APMAP: variants seen among roughly 807,000 people sequenced by gnomAD.
APMAP encodes adipocyte plasma membrane-associated protein.
In APMAP, 33 loss-of-function variants were observed where a neutral mutation model predicts 43.6. That is an observed-to-expected ratio of 0.76 (90% CI 0.57 to 1.01). APMAP has a LOEUF of 1.01. Among genes scored for constraint, APMAP ranks in the 50% least tolerant of loss-of-function variants. The pLI is 0.00. For synonymous variants in APMAP, 224 were observed against 216.7 expected, an observed-to-expected ratio of 1.03 and a Z score of -0.30; for missense variants, 498 against 540.7, an observed-to-expected ratio of 0.92 and a Z score of 0.78.
chr20:24,963,920 C>T lies in APMAP; in HGVS notation c.1144G>A (p.Gly382Arg), dbSNP rs1197298880. 2 of 1,614,104 alleles carry T rather than the reference C, an allele frequency of 1.2e-6. No individual in the cohort carries two copies. Among genetic ancestry groups the T allele is most frequent in the African/African-American group, 2.7e-5 (2 of 74,928 alleles). ...AFRRSLHDPD[G>R]LVATYISEVH... Reference sequence around the variant, plus strand: ...TCGCTGATGTAGGTGGCCACCAGCCCATCGGGATCATGCAGGCTTCTCCGG... The same window carrying T: ...TCGCTGATGTAGGTGGCCACCAGCCTATCGGGATCATGCAGGCTTCTCCGG... The change falls in exon 9 of 9, where the codon GGG (glycine) becomes AGG (arginine). Residue 382 changes from glycine to arginine, a missense_variant. Transcript: ENST00000217456.
intron 2 of APMAP, among the ~76,000 whole-genome samples, chr20:24,981,437 G>A (rs2088104021): frequency 6.6e-6 from 1 of 152,186 alleles, no homozygotes; most frequent in African/African-American, 2.4e-5. Flanking sequence ...GTTTTCCTAA[G>A]CACTTCTGAG....
At chr20:24,976,551 G>A (rs867799642) in intron 3 of APMAP, among the ~76,000 whole-genome samples, 12 of 152,148 alleles carry the variant, frequency 7.9e-5, no homozygotes, top group African/African-American at 2.2e-4. Flanking sequence ...AAATGCTGGC[G>A]AGGACATGGA....
At chr20:24,985,642 T>A (rs905887150) in intron 1 of APMAP, among the ~76,000 whole-genome samples, 2 of 152,118 alleles carry the variant, frequency 1.3e-5, no homozygotes, top group Non-Finnish European at 2.9e-5. Context: ...ACCCTGGAAG[T>A]GGGGTGTTGC....
At position 24,992,698 on chromosome 20, in the gene APMAP, G is replaced by A. The variant is rs749939030; in HGVS notation, c.-10C>T. On this transcript the variant is annotated 5_prime_UTR_variant, in exon 1 of 9. Coordinates refer to ENST00000217456, the MANE Select transcript of APMAP (RefSeq NM_020531.3). Reference sequence around the variant, plus strand: ...CGTCCGCCTCGCTCATGGTACGGGCGCCAGCCTCACCCGCAGAAACCACCT... The same window carrying A: ...CGTCCGCCTCGCTCATGGTACGGGCACCAGCCTCACCCGCAGAAACCACCT... The A allele has an allele frequency of 2.0e-6, 3 of 1,507,398 alleles. No homozygotes were observed. The highest frequency in any genetic ancestry group is 1.8e-6 in the Non-Finnish European group (2 of 1,126,912). 93.4% of individuals were successfully genotyped at this position (1,507,398 alleles called of 1,614,324 possible). A position where few individuals can be genotyped will look rare whatever the true frequency, so the allele number is the denominator to read the frequency against.
intron 4 of APMAP, among the ~76,000 whole-genome samples, chr20:24,972,132 GCAGGTGCTTATTGC>G (rs2088008688): frequency 6.8e-6 from 1 of 146,054 alleles, no homozygotes; most frequent in African/African-American, 2.5e-5. Flanking sequence ...GGTGCTCATT[GCAGGTGCTTATTGC>G]AAGGTGTTCA....
At chr20:24,976,445 T>G (rs2088050774) in intron 3 of APMAP, among the ~76,000 whole-genome samples, 1 of 151,996 alleles carries the variant, frequency 6.6e-6, no homozygotes, top group Admixed American at 6.6e-5. Context: ...ATGAAGATAT[T>G]CCACATCAAA....
Position 24,983,990 on chromosome 20 carries a change from G to T in APMAP, c.125C>A (p.Thr42Asn). The T allele has an allele frequency of 3.1e-6, 5 of 1,613,838 alleles. No homozygotes were observed. The highest frequency in any genetic ancestry group is 4.2e-6 in the Non-Finnish European group (5 of 1,179,842). Residue 42 changes from threonine (T) to asparagine (N), a missense_variant, in exon 2 of 9, where the codon ACC becomes AAC. By Grantham distance (65) the Thr-to-Asn change is moderately conservative (BLOSUM62 0). Transcript: ENST00000217456. ...GAGAGAAACAGCCAGCATCAAGAAG[G>T]TCACTCGGAAAACTCTGCCGCTAAA... ...SSFSGRVFRV[T>N]FLMLAVSLTV...
intron 4 of APMAP, 21 bp from the exon 5 acceptor site, chr20:24,971,597 G>A (rs1384506199): frequency 2.5e-6 from 4 of 1,597,476 alleles, no homozygotes; most frequent in Middle Eastern, 1.7e-4. Context: ...AAACAGATGG[G>A]GATTGGTAGC....
chr20:24,978,233 G>C (rs561665581), intron 3 of APMAP, among the ~76,000 whole-genome samples: 1 of 152,326 alleles, frequency 6.6e-6, no homozygotes, highest in Admixed American at 6.5e-5. Context: ...TGCTAGAGAT[G>C]CAAGTATTAG....
At chr20:24,970,440 C>G (rs1298701841) in intron 5 of APMAP, 69 bp from the exon 6 acceptor site, 8 of 1,426,006 alleles carry the variant, frequency 5.6e-6, no homozygotes, top group African/African-American at 1.4e-5. Context: ...AAAATATTAA[C>G]CAACCTAACT....
rs1258050327 is a variant in APMAP, at chr20:24,983,915, G to A, written c.200C>T (p.Pro67Leu). 1.9e-6 allele frequency: 3 copies of A among 1,610,062 alleles called. No individual in the cohort carries two copies. The African/African-American group carries it at 4.0e-5, about 22-fold the overall frequency. ...AMMLLESPID[P>L]QPLSFKEPPL... ...CGGGGCAGCCTACCTGAGAGGCTGT[G>A]GATCTATAGGAGATTCCAGCAGCAT... Residue 67 changes from proline (P) to leucine (L), a missense_variant, in exon 2 of 9, where the codon CCA (proline) becomes CTA (leucine). Pro to Leu is a moderately conservative substitution (Grantham distance 98, BLOSUM62 -3). Transcript: ENST00000217456.
intron 6 of APMAP, 114 bp downstream of exon 6, chr20:24,970,083 G>C (rs2087985403): frequency 1.5e-6 from 2 of 1,334,752 alleles, no homozygotes; most frequent in Non-Finnish European, 2.1e-6. Context: ...TGTCCTAGAA[G>C]CTGAAATATG....
intron 2 of APMAP, among the ~76,000 whole-genome samples, chr20:24,980,371 C>T (rs1481331154): frequency 6.6e-6 from 1 of 152,244 alleles, no homozygotes; most frequent in African/African-American, 2.4e-5. Flanking sequence ...GAAGGGAAAC[C>T]CCACCTGGGG....
At chr20:24,977,708 G>A (rs2088062480) in intron 3 of APMAP, among the ~76,000 whole-genome samples, 1 of 152,212 alleles carries the variant, frequency 6.6e-6, no homozygotes, top group African/African-American at 2.4e-5. Flanking sequence ...CTCTTTGGGA[G>A]GTAAGATCAT....
chr20:24,973,532 T>C (rs1283915521), intron 4 of APMAP, 113 bp downstream of exon 4: 2 of 1,027,160 alleles, frequency 1.9e-6, no homozygotes, highest in Non-Finnish European at 2.9e-6. Context: ...TACTAGATGG[T>C]CAGAGGTTCT....
chr20:24,966,806 G>C (rs1290032679), intron 8 of APMAP, among the ~76,000 whole-genome samples: 2 of 152,154 alleles, frequency 1.3e-5, no homozygotes, highest in African/African-American at 2.4e-5. Flanking sequence ...AGACCGGACA[G>C]TCACAGGGGA....
At chr20:24,979,970 T>C (rs2088087418) in intron 2 of APMAP, among the ~76,000 whole-genome samples, 1 of 151,958 alleles carries the variant, frequency 6.6e-6, no homozygotes, top group Non-Finnish European at 1.5e-5. Context: ...CAACTAAATA[T>C]CCGATACCTC....
intron 3 of APMAP, among the ~76,000 whole-genome samples, chr20:24,975,198 G>A (rs1414152747): frequency 4.6e-5 from 7 of 152,108 alleles, no homozygotes; most frequent in South Asian, 2.1e-4. Flanking sequence ...ACATGAAAAG[G>A]AAACAAAAGG....
Position 24,984,490 on chromosome 20 carries a change from G to A in APMAP, c.96-471C>T, listed in dbSNP as rs113413723. Among the ~76,000 whole-genome samples, 1,043 of 152,324 alleles carry A rather than the reference G, an allele frequency of 6.8e-3. 18 individuals carry two copies. The highest frequency in any genetic ancestry group is 0.024 in the African/African-American group (977 of 41,562). ...AAGATTCTCACAGATAGAAGAGACA[G>A]CTAAAGTCATGAAGGAAATGGAAGC... On this transcript the variant is annotated intron_variant, in intron 1 of 8. Transcript: ENST00000217456.
Sources: gnomAD v4.1 joint callset for allele counts (sites outside exome capture counted in the v4.1 genomes callset) on GRCh38, gnomAD v4.1.1 for gene constraint, MANE v1.5 for transcripts, NCBI Gene and HGNC (gene_info 2026-07-23, HGNC 2026-07-21) for gene names.